Variants in TG observed in about 807,000 individuals in gnomAD.
TG encodes thyroglobulin, also known as thyroid hormones.
TG carries 270 observed loss-of-function variants against 324.7 expected under a neutral mutation model. The ratio of observed to expected loss-of-function variants is 0.83; its 90% CI spans 0.75 to 0.92. The LOEUF (loss-of-function observed/expected upper bound fraction) is 0.92, where lower values mean the gene tolerates loss of function less well. TG is among the 40% of genes least tolerant of loss of function. The pLI, the probability that TG is intolerant of heterozygous loss-of-function variation, is 0.00. For synonymous variants in TG, 1,401 were observed against 1,327.0 expected, an observed-to-expected ratio of 1.06 and a Z score of -1.21; for missense variants, 3,591 against 3,456.4, an observed-to-expected ratio of 1.04 and a Z score of -0.98.
intron 45 of TG, among the ~76,000 whole-genome samples, chr8:133,120,300 G>C (rs968727894): frequency 6.6e-6 from 1 of 152,188 alleles, no homozygotes; most frequent in African/African-American, 2.4e-5. Flanking sequence ...TCTACATGAG[G>C]GTGAAAACAA....
At chr8:132,879,150 G>A (rs1382589793) in intron 5 of TG, among the ~76,000 whole-genome samples, 1 of 152,242 alleles carries the variant, frequency 6.6e-6, no homozygotes, top group African/African-American at 2.4e-5. Flanking sequence ...TGCATAGATG[G>A]TGATATCATT....
At chr8:133,059,337 T>C (rs1842029324) in intron 41 of TG, 1 of 356,900 alleles carries the variant, frequency 2.8e-6, no homozygotes, top group African/African-American at 2.1e-5. Context: ...TCTGAGGAAA[T>C]AAAGGTCAGG....
At chr8:132,940,424 A>G (rs1046485583) in intron 25 of TG, among the ~76,000 whole-genome samples, 1 of 152,222 alleles carries the variant, frequency 6.6e-6, no homozygotes, top group Non-Finnish European at 1.5e-5. Context: ...AACAGGGCTG[A>G]TTTGAAAACT....
intron 34 of TG, among the ~76,000 whole-genome samples, chr8:132,982,444 G>A (rs944798919): frequency 2.6e-5 from 4 of 152,222 alleles, no homozygotes; most frequent in African/African-American, 4.8e-5. Flanking sequence ...TTGCATTTAT[G>A]TGTCACATAC....
At chr8:132,964,727 AT>A in intron 29 of TG, 1 of 592,164 alleles carries the variant, frequency 1.7e-6, no homozygotes, top group Non-Finnish European at 3.0e-6. Flanking sequence ...CCAACCAGAC[AT>A]TTTTGAGCAC....
chr8:132,966,237 A>G (rs1437580767), intron 29 of TG, among the ~76,000 whole-genome samples: 2 of 152,216 alleles, frequency 1.3e-5, no homozygotes, highest in African/African-American at 4.8e-5. Flanking sequence ...CTCCAGGGGA[A>G]AACTTCTGCA....
At chr8:133,044,040 T>C (rs34930402) in intron 41 of TG, among the ~76,000 whole-genome samples, 11,080 of 152,176 alleles carry the variant, frequency 0.073, 591 homozygotes, top group Admixed American at 0.16. Flanking sequence ...CACGGTGTCC[T>C]TGGGAGGGGG....
intron 22 of TG, among the ~76,000 whole-genome samples, chr8:132,927,231 TAGTC>T (rs898329460): frequency 6.6e-5 from 10 of 152,230 alleles, no homozygotes; most frequent in African/African-American, 2.4e-4. Context: ...ATGATGTTGT[TAGTC>T]ATTCATTTGC....
intron 16 of TG, among the ~76,000 whole-genome samples, chr8:132,902,212 T>G (rs1239538675): frequency 2.0e-5 from 3 of 152,156 alleles, no homozygotes; most frequent in African/African-American, 7.2e-5. Flanking sequence ...GGGTGGTGGG[T>G]CTGGCAGAGT....
chr8:133,061,427 A>G (rs1198425794), intron 41 of TG, among the ~76,000 whole-genome samples: 1 of 152,002 alleles, frequency 6.6e-6, no homozygotes, highest in Non-Finnish European at 1.5e-5. Flanking sequence ...GTGGCATAGA[A>G]TACATGTTAG....
At chr8:132,952,062 G>A (rs902766721) in intron 27 of TG, among the ~76,000 whole-genome samples, 1 of 152,188 alleles carries the variant, frequency 6.6e-6, no homozygotes, top group Non-Finnish European at 1.5e-5. Flanking sequence ...TTAACAACGG[G>A]ATAGATGGTT....
chr8:133,037,717 A>C (rs1207773739), intron 41 of TG: 1 of 151,578 alleles, frequency 6.6e-6, no homozygotes, highest in African/African-American at 2.4e-5. Flanking sequence ...TGAATACTTG[A>C]TGCATTCATA....
intron 41 of TG, chr8:133,050,546 G>T: frequency 2.7e-6 from 1 of 374,330 alleles, no homozygotes; most frequent in Non-Finnish European, 4.9e-6. Context: ...GAGATAAGAA[G>T]AATATGAGAA....
rs375727405 is a variant in TG at position 133,001,198 on chromosome 8, G to T, written c.6263-10703G>T. ...TAAGGTCACATCCTGAGGACCTACG[G>T]GTTAGGACTGCAACGTGTGAATTTT... is the stretch of plus-strand genomic sequence containing the variant. On this transcript the variant is annotated intron_variant, in intron 35 of 47. Transcript: ENST00000220616. Among the ~76,000 whole-genome samples, 15 of 150,690 alleles carry T rather than the reference G, an allele frequency of 1.0e-4. No homozygotes were observed. In the East Asian group the frequency reaches 2.7e-3, roughly 27 times the overall value.
intron 41 of TG, chr8:133,047,798 G>T (rs192482325): frequency 1.7e-6 from 2 of 1,197,612 alleles, no homozygotes; most frequent in Non-Finnish European, 2.5e-6. Flanking sequence ...TGTCTGCCCC[G>T]GATGGGGAAA....
At chr8:133,001,568 C>T (rs1270580037) in intron 35 of TG, among the ~76,000 whole-genome samples, 4 of 152,358 alleles carry the variant, frequency 2.6e-5, no homozygotes, top group Admixed American at 2.6e-4. Context: ...TTGATAAATG[C>T]TGTTAAGAAC....
intron 41 of TG, among the ~76,000 whole-genome samples, chr8:133,068,810 G>C (rs1587976859): frequency 6.6e-6 from 1 of 152,230 alleles, no homozygotes; most frequent in East Asian, 1.9e-4. Flanking sequence ...TTTCTAGATA[G>C]ACTTTCTGTA....
chr8:133,085,467 C>T (rs189270808), intron 41 of TG, among the ~76,000 whole-genome samples: 5 of 152,254 alleles, frequency 3.3e-5, no homozygotes, highest in African/African-American at 9.6e-5. Flanking sequence ...TAATAAGGGA[C>T]TTGTACCAAG....
intron 11 of TG, among the ~76,000 whole-genome samples, chr8:132,894,845 C>G (rs141809239): frequency 6.6e-5 from 10 of 152,252 alleles, no homozygotes; most frequent in South Asian, 6.2e-4. Context: ...AATCCTCTGA[C>G]AGCTCCAGGA....
Sources: gnomAD v4.1 joint callset for allele counts (sites outside exome capture counted in the v4.1 genomes callset) on GRCh38, gnomAD v4.1.1 for gene constraint, MANE v1.5 for transcripts, NCBI Gene and HGNC (gene_info 2026-07-23, HGNC 2026-07-21) for gene names.